The following HSPA12A variants were observed in gnomAD, a reference collection of about 807,000 sequenced individuals.
HSPA12A encodes the protein heat shock protein family A (Hsp70) member 12A, also known as heat shock 70 kDa protein 12A.
Under a neutral mutation model 69.2 loss-of-function variants are expected in HSPA12A, and 28 were observed. The observed-to-expected ratio is 0.40, with a 90% CI of 0.30 to 0.55. The LOEUF (loss-of-function observed/expected upper bound fraction) is 0.55, where lower values mean the gene tolerates loss of function less well. Among genes scored for constraint, HSPA12A ranks in the 20% least tolerant of loss-of-function variants. HSPA12A has a pLI of 0.38. For missense variants in HSPA12A, 686 were observed against 900.7 expected, an observed-to-expected ratio of 0.76 and a Z score of 3.05; for synonymous variants, 345 against 370.5, an observed-to-expected ratio of 0.93 and a Z score of 0.79.
intron 5 of HSPA12A, among the ~76,000 whole-genome samples, chr10:116,696,639 G>A (rs3010476): frequency 0.55 from 83,224 of 151,740 alleles, 23,213 homozygotes; most frequent in Middle Eastern, 0.65. Flanking sequence ...TACTATCCCG[G>A]TGGCCACGTC....
At chr10:116,702,699 G>A (rs1850115509) in intron 3 of HSPA12A, among the ~76,000 whole-genome samples, 1 of 152,142 alleles carries the variant, frequency 6.6e-6, no homozygotes, top group Admixed American at 6.5e-5. Context: ...GACCCCATGA[G>A]CTTTTTCCCT....
intron 2 of HSPA12A, among the ~76,000 whole-genome samples, chr10:116,811,579 T>TAAAAAAAAAAAAAAAAAAAA (rs60912684): frequency 2.0e-4 from 21 of 105,924 alleles, no homozygotes; most frequent in African/African-American, 7.5e-4. Context: ...TTGCTTTTGT[T>TAAAAAAAAAAAAAAAAAAAA]AAAAAAAAAA....
chr10:116,747,830 C>T (rs1268616105), intron 2 of HSPA12A, among the ~76,000 whole-genome samples: 1 of 151,878 alleles, frequency 6.6e-6, no homozygotes, highest in Non-Finnish European at 1.5e-5. Flanking sequence ...GAAACCCCGT[C>T]TCTACTAAAA....
chr10:116,781,304 A>G (rs4751612), intron 2 of HSPA12A, among the ~76,000 whole-genome samples: 60,590 of 151,562 alleles, frequency 0.4, 13,029 homozygotes, highest in Non-Finnish European at 0.46. Flanking sequence ...GAAAACAGAA[A>G]AAAAAAAATG....
rs766715011 is a variant in HSPA12A at position 116,675,111 on chromosome 10, G to A, written c.1698C>T (p.Asp566=). The A allele has an allele frequency of 1.4e-5, 23 of 1,613,968 alleles. No individual in the cohort carries two copies. Among genetic ancestry groups the A allele is most frequent in the Admixed American group, 5.0e-5 (3 of 60,024 alleles). ...CGGCAGAGATGAACTTGTCAAAGAC[G>A]TCGGTGCACCACCGAGTGCCATCCT... ...LVKDGTRWCT[D]VFDKFISADQ... Residue 566 remains aspartate (D), a synonymous_variant, in exon 12 of 12, where the codon GAC becomes GAT. Transcript: ENST00000369209. This position sits in a 1 kb window ranked among gnomAD's most constrained non-coding sequence, Gnocchi z 5.2.
At chr10:116,701,183 G>A in intron 3 of HSPA12A, 54 bp from the exon 4 acceptor site, 1 of 1,565,440 alleles carries the variant, frequency 6.4e-7, no homozygotes, top group Non-Finnish European at 8.7e-7. Context: ...TCCCAATTCA[G>A]GCAGCACAGA....
chr10:116,678,586 G>A (rs1307341950), intron 10 of HSPA12A, among the ~76,000 whole-genome samples: 270 of 128,480 alleles, frequency 2.1e-3, no homozygotes, highest in Middle Eastern at 4.1e-3. Context: ...GGTACAAAGT[G>A]AAAAAAAAAA....
intron 6 of HSPA12A, among the ~76,000 whole-genome samples, chr10:116,688,052 G>A (rs3010462): frequency 0.52 from 79,421 of 151,992 alleles, 21,156 homozygotes; most frequent in Middle Eastern, 0.66. Context: ...GTGTGACCCA[G>A]GACAATCCTT....
intron 2 of HSPA12A, among the ~76,000 whole-genome samples, chr10:116,834,404 T>C (rs1845673709): frequency 6.6e-6 from 1 of 152,200 alleles, no homozygotes; most frequent in Non-Finnish European, 1.5e-5. Context: ...TCAGTCTTTC[T>C]CTTTTTACAT....
chr10:116,717,119 G>A (rs1554883853), intron 1 of HSPA12A, among the ~76,000 whole-genome samples: 1 of 152,146 alleles, frequency 6.6e-6, no homozygotes, highest in Non-Finnish European at 1.5e-5. Context: ...CTGTAAGGAA[G>A]GTTGCTGTGA....
intron 1 of HSPA12A, among the ~76,000 whole-genome samples, chr10:116,742,076 C>A (rs1305526395): frequency 6.6e-6 from 1 of 151,860 alleles, no homozygotes; most frequent in Non-Finnish European, 1.5e-5. Context: ...CAGCCCATCG[C>A]GCGGGGGCTG....
intron 11 of HSPA12A, 31 bp downstream of exon 11, chr10:116,676,368 C>T (rs781936173): frequency 9.0e-6 from 14 of 1,562,638 alleles, no homozygotes; most frequent in Admixed American, 8.3e-5. Flanking sequence ...AGCTCTGCCT[C>T]GCCGAGTGGC....
chr10:116,809,211 G>A (rs1395497016), intron 2 of HSPA12A, among the ~76,000 whole-genome samples: 2 of 152,158 alleles, frequency 1.3e-5, no homozygotes, highest in East Asian at 3.9e-4. Flanking sequence ...ATGTTGATGA[G>A]GCACAGTTAC....
chr10:116,736,072 TATA>T (rs782022936), intron 1 of HSPA12A, among the ~76,000 whole-genome samples: 57 of 152,188 alleles, frequency 3.7e-4, no homozygotes, highest in Non-Finnish European at 7.6e-4. Flanking sequence ...TAAAAGCAAA[TATA>T]ATGTGACATT....
chr10:116,786,714 G>A (rs573438033), intron 2 of HSPA12A, among the ~76,000 whole-genome samples: 6 of 152,042 alleles, frequency 3.9e-5, no homozygotes, highest in Admixed American at 2.0e-4. Context: ...ATCTTGGCTC[G>A]CTGCAACCTC....
chr10:116,839,330 C>T (rs554521839), intron 1 of HSPA12A, among the ~76,000 whole-genome samples: 12 of 152,280 alleles, frequency 7.9e-5, no homozygotes, highest in Admixed American at 7.8e-4. Flanking sequence ...TCGCTCCCCT[C>T]CCCCACGAAG....
chr10:116,789,022 C>A (rs1277541034), intron 2 of HSPA12A, among the ~76,000 whole-genome samples: 2 of 152,056 alleles, frequency 1.3e-5, no homozygotes, highest in Non-Finnish European at 2.9e-5. Flanking sequence ...CCTGCCACAA[C>A]GCCCAGCTGA....
intron 1 of HSPA12A, among the ~76,000 whole-genome samples, chr10:116,707,802 G>A (rs1325860004): frequency 1.3e-5 from 2 of 152,176 alleles, no homozygotes; most frequent in East Asian, 1.9e-4. Context: ...CAGAAAGAGC[G>A]TCCTTGCCTA....
chr10:116,767,364 C>T (rs552214833), intron 2 of HSPA12A, among the ~76,000 whole-genome samples: 2 of 152,164 alleles, frequency 1.3e-5, no homozygotes, highest in African/African-American at 2.4e-5. Context: ...ACCCCTCCCC[C>T]ACCAGTGACG....
Sources: allele counts gnomAD v4.1 joint callset (sites outside exome capture counted in the v4.1 genomes callset), GRCh38; gene constraint gnomAD v4.1.1; non-coding constraint Gnocchi (gnomAD v3.1); transcripts MANE v1.5; gene names NCBI Gene and HGNC (gene_info 2026-07-23, HGNC 2026-07-21).